EYS: variants seen among roughly 807,000 people sequenced by gnomAD.
EYS encodes protein eyes shut homolog.
Under a neutral mutation model 282.1 loss-of-function variants are expected in EYS, and 250 were observed. That is an observed-to-expected ratio of 0.89 (90% confidence interval 0.80 to 0.98). The LOEUF (loss-of-function observed/expected upper bound fraction) is 0.98, where lower values mean the gene tolerates loss of function less well. Ranked by LOEUF, EYS falls within the 50% of genes least tolerant of loss-of-function variation. EYS has a pLI of 0.00. For missense variants in EYS, 4,016 were observed against 3,709.0 expected (o/e 1.08, Z -2.15); for synonymous variants, 1,355 against 1,282.9 (o/e 1.06, Z -1.20).
Position 64,930,150 on chromosome 6 carries a change from T to A in EYS, c.2381+15643A>T, listed in dbSNP as rs188328041. 2.9e-3 allele frequency among the ~76,000 whole-genome samples: 445 copies of A among 152,256 alleles called. 4 individuals are homozygous for A. The highest frequency in any genetic ancestry group is 0.012 in the South Asian group (57 of 4,830). On this transcript the variant is annotated intron_variant, in intron 15 of 42. Coordinates refer to ENST00000503581, the MANE Select transcript of EYS (RefSeq NM_001142800.2). ...TCCAGCAATTACACTTATAGTAATT[T>A]ATTCTACAAATAAACATGCACACAT...
intron 35 of EYS, among the ~76,000 whole-genome samples, chr6:63,967,988 G>C (rs1766384820): frequency 6.6e-6 from 1 of 152,126 alleles, no homozygotes; most frequent in Non-Finnish European, 1.5e-5. Context: ...TCACTCAACA[G>C]TGTTTGATAA....
intron 28 of EYS, among the ~76,000 whole-genome samples, chr6:64,432,267 T>C (rs980270864): frequency 1.3e-5 from 2 of 152,080 alleles, no homozygotes; most frequent in African/African-American, 2.4e-5. Context: ...AATTAGGATA[T>C]TGTTGTCTTA....
At position 64,570,135 on chromosome 6, in the gene EYS, T is replaced by C. The variant is rs141729520; in HGVS notation, c.5644+20088A>G. Among the ~76,000 whole-genome samples, 295 of 152,322 alleles carry C rather than the reference T, an allele frequency of 1.9e-3. 2 individuals carry two copies. Among genetic ancestry groups the C allele is most frequent in the African/African-American group, 6.7e-3 (278 of 41,574 alleles). ...CAAGCCAGAAGAGAGTGGGGGCCAA[T>C]ATTCAACATTCTTAAAGAAAATAAT... On this transcript the variant is annotated intron_variant, in intron 26 of 42. Transcript: ENST00000503581.
intron 35 of EYS, among the ~76,000 whole-genome samples, chr6:63,904,596 C>G (rs950954933): frequency 6.6e-6 from 1 of 152,086 alleles, no homozygotes; most frequent in African/African-American, 2.4e-5. Context: ...GGAAGATGAG[C>G]AAGTATTAAC....
rs1562109836 is a variant in EYS, at chr6:65,344,087, G to A, written c.1550C>T (p.Pro517Leu). Residue 517 changes from proline (P) to leucine (L), a missense_variant, in exon 10 of 43, where the codon CCT becomes CTT. Coordinates refer to ENST00000503581, the MANE Select transcript of EYS (RefSeq NM_001142800.2). Reference sequence around the variant, plus strand: ...CCAACATGAAGAATTATTATCTTCAGGATCGTTCACATAGGTTGCATCTTC... The same window carrying A: ...CCAACATGAAGAATTATTATCTTCAAGATCGTTCACATAGGTTGCATCTTC... ...CTEDATYVND[P>L]EDNNSSCWFP... 6 of 1,610,168 alleles carry A rather than the reference G, an allele frequency of 3.7e-6. No homozygotes were observed. The highest frequency in any genetic ancestry group is 4.2e-6 in the Non-Finnish European group (5 of 1,177,518).
intron 26 of EYS, among the ~76,000 whole-genome samples, chr6:64,503,980 C>T (rs938066382): frequency 6.6e-6 from 1 of 152,172 alleles, no homozygotes; most frequent in South Asian, 2.1e-4. Context: ...ACTTGCTTCA[C>T]CTTCACCTTC....
At chr6:64,360,644 T>C (rs1771974038) in intron 29 of EYS, among the ~76,000 whole-genome samples, 1 of 151,774 alleles carries the variant, frequency 6.6e-6, no homozygotes, top group African/African-American at 2.4e-5. Context: ...AATATGAAAC[T>C]TTAGAGGAAA....
chr6:64,601,526 A>G (rs978474542), intron 24 of EYS, among the ~76,000 whole-genome samples: 3 of 152,002 alleles, frequency 2.0e-5, no homozygotes, highest in African/African-American at 7.2e-5. Context: ...TTTTTCTTTC[A>G]TAACACATTT....
At chr6:64,246,583 A>C (rs760545622) in intron 30 of EYS, among the ~76,000 whole-genome samples, 54 of 152,206 alleles carry the variant, frequency 3.5e-4, no homozygotes, top group Non-Finnish European at 6.6e-4. Flanking sequence ...ACCATAGAAC[A>C]CTTAATTGTT....
intron 12 of EYS, among the ~76,000 whole-genome samples, chr6:65,167,775 CCTT>C (rs1765009664): frequency 6.6e-6 from 1 of 151,188 alleles, no homozygotes. Context: ...GTATTTTATA[CCTT>C]CTTCTTTTAT....
intron 33 of EYS, among the ~76,000 whole-genome samples, chr6:64,043,840 A>G (rs1770500170): frequency 6.6e-6 from 1 of 152,232 alleles, no homozygotes; most frequent in South Asian, 2.1e-4. Context: ...GGTTGATTAA[A>G]GCAGATTTAA....
intron 31 of EYS, among the ~76,000 whole-genome samples, chr6:64,113,876 G>T (rs1773291364): frequency 6.6e-6 from 1 of 152,172 alleles, no homozygotes. Flanking sequence ...GAGTTGGCAA[G>T]CAGGTTAAAT....
intron 34 of EYS, among the ~76,000 whole-genome samples, chr6:63,987,759 A>G (rs1767434490): frequency 6.6e-6 from 1 of 151,676 alleles, no homozygotes; most frequent in African/African-American, 2.4e-5. Flanking sequence ...CCAGAATTAA[A>G]AAACTAAAGC....
chr6:64,944,783 C>A (rs958426395), intron 15 of EYS, among the ~76,000 whole-genome samples: 1 of 151,654 alleles, frequency 6.6e-6, no homozygotes. Context: ...ATTCTGAGAT[C>A]AGAGAAAAAC....
chr6:64,148,215 T>TG (rs1355522677), intron 31 of EYS, among the ~76,000 whole-genome samples: 1 of 152,174 alleles, frequency 6.6e-6, no homozygotes, highest in Non-Finnish European at 1.5e-5. Flanking sequence ...TTTCTATATA[T>TG]GTATATGTGT....
intron 33 of EYS, among the ~76,000 whole-genome samples, chr6:64,025,196 T>C: frequency 1.4e-5 from 1 of 73,922 alleles, no homozygotes; most frequent in African/African-American, 4.4e-5. Context: ...CCAGGCTTTC[T>C]GGGAAAGGGC....
At chr6:64,210,880 G>T (rs566320625) in intron 31 of EYS, among the ~76,000 whole-genome samples, 1 of 152,072 alleles carries the variant, frequency 6.6e-6, no homozygotes, top group African/African-American at 2.4e-5. Context: ...GCAGAAGAAG[G>T]GTGAATTCTC....
At chr6:65,168,015 T>C (rs16896373) in intron 12 of EYS, among the ~76,000 whole-genome samples, 1,601 of 151,398 alleles carry the variant, frequency 0.011, 27 homozygotes, top group African/African-American at 0.037. Flanking sequence ...GAGAGAACAG[T>C]TATTTTAAAG....
At chr6:64,836,893 C>T (rs1375249660) in intron 19 of EYS, among the ~76,000 whole-genome samples, 1 of 151,472 alleles carries the variant, frequency 6.6e-6, no homozygotes, top group Non-Finnish European at 1.5e-5. Context: ...AAAAGTGAGA[C>T]ATTGGAAAAT....
Sources: gnomAD v4.1 joint callset for allele counts (sites outside exome capture counted in the v4.1 genomes callset) on GRCh38, gnomAD v4.1.1 for gene constraint, MANE v1.5 for transcripts, NCBI Gene and HGNC (gene_info 2026-07-23, HGNC 2026-07-21) for gene names.